Variants in KCNMA1 observed in about 807,000 individuals in gnomAD.
KCNMA1 encodes potassium calcium-activated channel subfamily M alpha 1.
KCNMA1 carries 29 observed loss-of-function variants against 140.0 expected under a neutral mutation model. The ratio of observed to expected loss-of-function variants is 0.21; its 90% CI spans 0.15 to 0.28. KCNMA1 has a LOEUF of 0.28. KCNMA1 is among the 10% of genes least tolerant of loss of function. KCNMA1 has a pLI of 1.00. For missense variants in KCNMA1, 880 were observed against 1,602.2 expected (o/e 0.55, Z 7.70); for synonymous variants, 612 against 611.9 (o/e 1.00, Z 0.00).
At chr10:76,949,870 C>T (rs1196861029) in intron 21 of KCNMA1, among the ~76,000 whole-genome samples, 1 of 152,118 alleles carries the variant, frequency 6.6e-6, no homozygotes, top group Non-Finnish European at 1.5e-5. Flanking sequence ...AGTGAGATGT[C>T]CGTGCATCAG....
At chr10:77,281,303 C>G (rs1359401464) in intron 2 of KCNMA1, among the ~76,000 whole-genome samples, 1 of 152,178 alleles carries the variant, frequency 6.6e-6, no homozygotes, top group African/African-American at 2.4e-5. Context: ...AAAAAGTACT[C>G]TCCCCTCTGG....
intron 1 of KCNMA1, among the ~76,000 whole-genome samples, chr10:77,500,836 G>T (rs1183824109): frequency 6.6e-6 from 1 of 152,230 alleles, no homozygotes; most frequent in Non-Finnish European, 1.5e-5. Flanking sequence ...CAACTGGAGA[G>T]AACTGGTAGA....
At chr10:77,425,481 C>G (rs1032440372) in intron 1 of KCNMA1, among the ~76,000 whole-genome samples, 134 of 152,320 alleles carry the variant, frequency 8.8e-4, no homozygotes, top group African/African-American at 3.2e-3. Context: ...AGCCCACACT[C>G]TGTTGAAACC....
intron 1 of KCNMA1, among the ~76,000 whole-genome samples, chr10:77,547,638 C>A (rs969316493): frequency 1.3e-5 from 2 of 152,212 alleles, no homozygotes; most frequent in African/African-American, 2.4e-5. Context: ...GTTTCCAGGA[C>A]CTTCCAAGCT....
chr10:77,373,820 G>A (rs1281996235), intron 2 of KCNMA1: 1 of 152,162 alleles, frequency 6.6e-6, no homozygotes, highest in African/African-American at 2.4e-5. Context: ...GTGGGCCCAG[G>A]AAGACTGTGA....
chr10:77,307,926 A>T (rs1238929579), intron 2 of KCNMA1, among the ~76,000 whole-genome samples: 1 of 152,222 alleles, frequency 6.6e-6, no homozygotes, highest in East Asian at 1.9e-4. Flanking sequence ...GTTGAGAAGC[A>T]TCTCATTCTA....
At chr10:77,025,482 T>C (rs2093363236) in intron 16 of KCNMA1, 1 of 1,587,112 alleles carries the variant, frequency 6.3e-7, no homozygotes, top group South Asian at 1.1e-5. Context: ...GAAAAGAATT[T>C]AAAATCAAAC....
chr10:76,941,644 A>G (rs1381829243), intron 23 of KCNMA1, among the ~76,000 whole-genome samples: 1 of 152,232 alleles, frequency 6.6e-6, no homozygotes, highest in Admixed American at 6.5e-5. Flanking sequence ...GGAGCAGAAC[A>G]GACTGCTGGC....
At chr10:76,971,568 G>A (rs1487331341) in intron 19 of KCNMA1, among the ~76,000 whole-genome samples, 1 of 152,130 alleles carries the variant, frequency 6.6e-6, no homozygotes, top group African/African-American at 2.4e-5. Flanking sequence ...GGTGTAAGGT[G>A]AGAGTGAGAC....
At chr10:76,990,168 G>A (rs2082342235) in intron 19 of KCNMA1, among the ~76,000 whole-genome samples, 1 of 152,176 alleles carries the variant, frequency 6.6e-6, no homozygotes, top group Admixed American at 6.5e-5. Flanking sequence ...GGGATGCCTA[G>A]ATGAAATGAG....
intron 2 of KCNMA1, among the ~76,000 whole-genome samples, chr10:77,313,630 C>T (rs370386093): frequency 4.3e-4 from 65 of 152,250 alleles, no homozygotes; most frequent in African/African-American, 1.5e-3. Flanking sequence ...CCCCAGGAAA[C>T]CTAATCAGTG....
chr10:77,197,913 T>G (rs1296882099), intron 3 of KCNMA1, among the ~76,000 whole-genome samples: 1 of 152,002 alleles, frequency 6.6e-6, no homozygotes, highest in Non-Finnish European at 1.5e-5. Context: ...AACAGAACAC[T>G]GTACAGAGCG....
intron 3 of KCNMA1, chr10:77,217,435 T>C (rs1344861763): frequency 6.7e-6 from 3 of 448,636 alleles, no homozygotes; most frequent in Non-Finnish European, 1.4e-5. Flanking sequence ...ATGGCCAACT[T>C]CTCCCAACAT....
intron 1 of KCNMA1, among the ~76,000 whole-genome samples, chr10:77,544,672 C>T (rs1280662449): frequency 2.0e-5 from 3 of 152,132 alleles, no homozygotes; most frequent in African/African-American, 2.4e-5. Context: ...TAGTTTTGCC[C>T]GTCTTCCTGT....
chr10:77,505,887 G>T (rs1230140011), intron 1 of KCNMA1, among the ~76,000 whole-genome samples: 1 of 152,214 alleles, frequency 6.6e-6, no homozygotes, highest in Non-Finnish European at 1.5e-5. Context: ...CACGAGACCA[G>T]CTGGAAGAGT....
intron 3 of KCNMA1, among the ~76,000 whole-genome samples, chr10:77,236,528 T>C (rs1330948781): frequency 6.6e-6 from 1 of 152,180 alleles, no homozygotes; most frequent in African/African-American, 2.4e-5. Flanking sequence ...TAGCCTGCCA[T>C]CCTTCCTTAA....
At chr10:77,568,647 T>C (rs1269255793) in intron 1 of KCNMA1, among the ~76,000 whole-genome samples, 9 of 149,520 alleles carry the variant, frequency 6.0e-5, no homozygotes, top group Non-Finnish European at 1.3e-4. Flanking sequence ...GGGCAAAAAC[T>C]GGAAGCATTC....
chr10:77,363,467 C>T (rs2094136219), intron 2 of KCNMA1, among the ~76,000 whole-genome samples: 1 of 152,212 alleles, frequency 6.6e-6, no homozygotes, highest in Non-Finnish European at 1.5e-5. Context: ...TAAGCTCTTC[C>T]CATAAAAATG....
intron 17 of KCNMA1, among the ~76,000 whole-genome samples, chr10:77,013,908 G>A (rs1442817227): frequency 6.6e-6 from 1 of 152,144 alleles, no homozygotes; most frequent in Non-Finnish European, 1.5e-5. Flanking sequence ...TAATAAGCCT[G>A]AATAGACTTG....
Sources: gnomAD v4.1 joint callset for allele counts (sites outside exome capture counted in the v4.1 genomes callset) on GRCh38, gnomAD v4.1.1 for gene constraint, MANE v1.5 for transcripts, NCBI Gene and HGNC (gene_info 2026-07-23, HGNC 2026-07-21) for gene names.